The following FSTL5 variants were observed in gnomAD, a reference collection of about 807,000 sequenced individuals.
FSTL5 encodes the protein follistatin-related protein 5.
In FSTL5, 62 loss-of-function variants were observed where a neutral mutation model predicts 89.1. That is an observed-to-expected ratio of 0.70 (90% CI 0.57 to 0.86). FSTL5 has a LOEUF of 0.86. Among genes scored for constraint, FSTL5 ranks in the 40% least tolerant of loss-of-function variants. The pLI, the probability that FSTL5 is intolerant of heterozygous loss-of-function variation, is 0.00. For synonymous variants in FSTL5, 383 were observed against 346.2 expected (o/e 1.11, Z -1.18); for missense variants, 1,057 against 1,001.6 (o/e 1.06, Z -0.75).
At chr4:162,132,263 A>G (rs1283639844) in intron 1 of FSTL5, among the ~76,000 whole-genome samples, 27 of 152,176 alleles carry the variant, frequency 1.8e-4, no homozygotes, top group Non-Finnish European at 3.7e-4. Flanking sequence ...GGGGCCAGAA[A>G]ACAATTGTAG....
intron 15 of FSTL5, among the ~76,000 whole-genome samples, chr4:161,427,536 C>T (rs1375017836): frequency 1.3e-5 from 2 of 152,162 alleles, no homozygotes; most frequent in African/African-American, 4.8e-5. Flanking sequence ...AAACTAACTT[C>T]CTTTGTTACC....
chr4:161,949,201 T>G (rs963589115), intron 3 of FSTL5, among the ~76,000 whole-genome samples: 4 of 152,110 alleles, frequency 2.6e-5, no homozygotes, highest in African/African-American at 9.7e-5. Flanking sequence ...TTGGCTGTCA[T>G]TCTCTTGTCT....
chr4:162,030,207 A>C (rs1286661951), intron 3 of FSTL5, among the ~76,000 whole-genome samples: 11 of 152,164 alleles, frequency 7.2e-5, no homozygotes. Flanking sequence ...AGTGTGAGCC[A>C]CCATGCCTGG....
chr4:161,699,855 A>G (rs1300983853), intron 6 of FSTL5, among the ~76,000 whole-genome samples: 7 of 152,170 alleles, frequency 4.6e-5, no homozygotes, highest in Non-Finnish European at 1.5e-5. Context: ...ACAGCAACCA[A>G]GATCCTCTAT....
intron 7 of FSTL5, among the ~76,000 whole-genome samples, chr4:161,597,391 A>C (rs1298008009): frequency 6.7e-6 from 1 of 149,566 alleles, no homozygotes; most frequent in East Asian, 2.1e-4. Flanking sequence ...AAAAAACCAA[A>C]CACCGCATGT....
At chr4:161,830,234 T>C (rs1730801137) in intron 4 of FSTL5, among the ~76,000 whole-genome samples, 2 of 152,150 alleles carry the variant, frequency 1.3e-5, no homozygotes, top group South Asian at 4.1e-4. Context: ...CTGGAACACC[T>C]GGCATGCTTT....
intron 13 of FSTL5, among the ~76,000 whole-genome samples, chr4:161,471,822 T>C (rs1035565104): frequency 1.3e-5 from 2 of 152,214 alleles, no homozygotes; most frequent in Non-Finnish European, 2.9e-5. Flanking sequence ...GTTATCCAAT[T>C]TGACAACATA....
At chr4:161,944,443 AATAAT>A (rs1191877607) in intron 3 of FSTL5, among the ~76,000 whole-genome samples, 1 of 152,050 alleles carries the variant, frequency 6.6e-6, no homozygotes, top group Non-Finnish European at 1.5e-5. Context: ...ACATCATAAA[AATAAT>A]ATAATGGTGA....
rs184084103 is a variant in FSTL5, at chr4:161,402,723, T to A, written c.1842-16274A>T. On this transcript the variant is annotated intron_variant, in intron 15 of 15. Coordinates refer to ENST00000306100, the MANE Select transcript of FSTL5 (RefSeq NM_020116.5). ...AAGATGTAGATTAAAATCCCACCTATGCCATTTACTATACAATCATAGGCA... is the reference window on the plus strand; with the variant it reads ...AAGATGTAGATTAAAATCCCACCTAAGCCATTTACTATACAATCATAGGCA... Among the ~76,000 whole-genome samples, 3 of 152,286 alleles carry A rather than the reference T, an allele frequency of 2.0e-5. No individual in the cohort carries two copies. In the East Asian group the frequency reaches 5.8e-4, roughly 29 times the overall value.
chr4:162,151,203 A>T (rs2111510007), intron 1 of FSTL5, among the ~76,000 whole-genome samples: 1 of 152,302 alleles, frequency 6.6e-6, no homozygotes, highest in Non-Finnish European at 1.5e-5. Flanking sequence ...AAAAAAATTT[A>T]ATTGGAAAAA....
At chr4:162,156,663 G>C (rs1156562854) in intron 1 of FSTL5, among the ~76,000 whole-genome samples, 1 of 152,148 alleles carries the variant, frequency 6.6e-6, no homozygotes, top group Admixed American at 6.6e-5. Context: ...AGTATCCCAT[G>C]TTCTCAGTTA....
At chr4:161,745,077 AT>A (rs1225931126) in intron 6 of FSTL5, among the ~76,000 whole-genome samples, 8 of 152,046 alleles carry the variant, frequency 5.3e-5, no homozygotes, top group South Asian at 2.1e-4. Flanking sequence ...AATAAAAAAA[AT>A]AAAACAACAA....
At chr4:161,394,071 G>A (rs1366735914) in intron 15 of FSTL5, among the ~76,000 whole-genome samples, 2 of 152,152 alleles carry the variant, frequency 1.3e-5, no homozygotes, top group Non-Finnish European at 2.9e-5. Context: ...TACATGGAGT[G>A]AGGACGTGAC....
intron 2 of FSTL5, among the ~76,000 whole-genome samples, chr4:162,041,494 T>A (rs1737956436): frequency 6.6e-6 from 1 of 152,098 alleles, no homozygotes; most frequent in Non-Finnish European, 1.5e-5. Flanking sequence ...TATATATATA[T>A]AACACAATCT....
In FSTL5 at chr4:161,555,704, T is replaced by C. The variant is rs183122358; in HGVS notation, c.1016-13011A>G. ...ATTTGAAACTCTTCTGAGGATTAAATGGACTAAAGGAAACACTCTCTGGTA... is the reference window on the plus strand; with the variant it reads ...ATTTGAAACTCTTCTGAGGATTAAACGGACTAAAGGAAACACTCTCTGGTA... On this transcript the variant is annotated intron_variant, in intron 8 of 15. Transcript: ENST00000306100. Among the ~76,000 whole-genome samples the C allele has an allele frequency of 4.0e-4, 60 of 151,728 alleles. 1 individual carries two copies. The East Asian group carries it at 9.4e-3, about 24-fold the overall frequency.
chr4:162,116,703 AAGAGTT>A (rs1731656063), intron 1 of FSTL5, among the ~76,000 whole-genome samples: 1 of 152,130 alleles, frequency 6.6e-6, no homozygotes, highest in African/African-American at 2.4e-5. Context: ...TACCTTTTAA[AAGAGTT>A]AGAGGCTGAT....
chr4:161,815,649 CAGT>C (rs1333778715), intron 4 of FSTL5, among the ~76,000 whole-genome samples: 1 of 152,054 alleles, frequency 6.6e-6, no homozygotes, highest in African/African-American at 2.4e-5. Context: ...TAAGTTAAGT[CAGT>C]AGTTATACAA....
chr4:161,775,730 A>G, intron 5 of FSTL5, 148 bp downstream of exon 5: 1 of 440,478 alleles, frequency 2.3e-6, no homozygotes, highest in Non-Finnish European at 4.0e-6. Context: ...GATGTAGTCA[A>G]GTTTGCTACA....
intron 15 of FSTL5, among the ~76,000 whole-genome samples, chr4:161,408,581 G>A (rs914096165): frequency 4.6e-5 from 7 of 152,138 alleles, no homozygotes; most frequent in Non-Finnish European, 7.4e-5. Flanking sequence ...ATTCTGAATT[G>A]CCTAAAATGA....
Sources: gnomAD v4.1 joint callset for allele counts (sites outside exome capture counted in the v4.1 genomes callset) on GRCh38, gnomAD v4.1.1 for gene constraint, MANE v1.5 for transcripts, NCBI Gene and HGNC (gene_info 2026-07-23, HGNC 2026-07-21) for gene names.